Variants in VCF1 observed in about 807,000 individuals in gnomAD.
The protein encoded by VCF1 is protein VCF1.
At chr17:73,212,898 T>A in the VCF1 span, among the ~76,000 whole-genome samples, 2 of 152,194 alleles carry the variant, frequency 1.3e-5, no homozygotes, top group African/African-American at 4.8e-5. Context: ...TACATAATTT[T>A]TTTTTATTTT....
the VCF1 span, chr17:73,212,761 T>A: frequency 6.4e-7 from 1 of 1,552,482 alleles, no homozygotes; most frequent in Non-Finnish European, 8.8e-7. Context: ...AGGCAAGAAC[T>A]ACAATCAGTT....
the VCF1 span, among the ~76,000 whole-genome samples, chr17:73,213,096 T>C: frequency 1.3e-5 from 2 of 151,938 alleles, no homozygotes; most frequent in African/African-American, 2.4e-5. Context: ...ATACAAAAAT[T>C]AGCTGGGCGT....
the VCF1 span, among the ~76,000 whole-genome samples, chr17:73,221,862 C>T: frequency 5.3e-5 from 8 of 151,918 alleles, no homozygotes; most frequent in African/African-American, 1.7e-4. Context: ...GGTGAAACCC[C>T]GTCTCTACTA....
the VCF1 span, chr17:73,208,348 C>T: frequency 3.7e-6 from 6 of 1,614,082 alleles, no homozygotes; most frequent in African/African-American, 1.3e-5. Flanking sequence ...GCTGGTGACC[C>T]GACAGTTCCT....
At chr17:73,230,960 G>T in the VCF1 span, among the ~76,000 whole-genome samples, 1 of 152,128 alleles carries the variant, frequency 6.6e-6, no homozygotes, top group Non-Finnish European at 1.5e-5. Flanking sequence ...AGTATAAACT[G>T]GGTTTGGGAA....
At chr17:73,214,074 A>G in the VCF1 span, among the ~76,000 whole-genome samples, 6 of 152,234 alleles carry the variant, frequency 3.9e-5, no homozygotes, top group African/African-American at 1.4e-4. Flanking sequence ...TATGATTTTG[A>G]GAAGATTGTT....
the VCF1 span, chr17:73,207,456 C>T: frequency 1.4e-6 from 1 of 695,084 alleles, no homozygotes; most frequent in Non-Finnish European, 2.6e-6. Context: ...TGCCCGCTGA[C>T]ACTACCAAGT....
chr17:73,232,067 G>A, the VCF1 span: 1 of 1,583,734 alleles, frequency 6.3e-7, no homozygotes, highest in Non-Finnish European at 8.6e-7. Flanking sequence ...GAATGGAAAG[G>A]GGGTCCCTTC....
At chr17:73,232,046 C>G in the VCF1 span, 1 of 1,542,800 alleles carries the variant, frequency 6.5e-7, no homozygotes, top group Non-Finnish European at 8.7e-7. Context: ...TCTCCCAGAT[C>G]CTCAGGCGAC....
the VCF1 span, among the ~76,000 whole-genome samples, chr17:73,210,903 C>T: frequency 9.9e-4 from 150 of 152,178 alleles, no homozygotes; most frequent in African/African-American, 3.4e-3. Context: ...CCACCATGCC[C>T]AGCCTTATTT....
the VCF1 span, chr17:73,208,683 TTC>T: frequency 1.8e-6 from 1 of 571,118 alleles, no homozygotes; most frequent in Non-Finnish European, 3.2e-6. Context: ...TTTATCAGCG[TTC>T]AACAACACCT....
At chr17:73,210,649 T>G in the VCF1 span, among the ~76,000 whole-genome samples, 3 of 152,066 alleles carry the variant, frequency 2.0e-5, no homozygotes, top group African/African-American at 7.2e-5. Flanking sequence ...CAGGCTCGAG[T>G]GCAGTGGATC....
At chr17:73,208,728 T>G in the VCF1 span, 187 of 471,816 alleles carry the variant, frequency 4.0e-4, no homozygotes, top group Non-Finnish European at 6.9e-4. Flanking sequence ...GAATTGTCAA[T>G]GAGATCATGT....
At chr17:73,223,284 T>A in the VCF1 span, among the ~76,000 whole-genome samples, 1 of 152,106 alleles carries the variant, frequency 6.6e-6, no homozygotes, top group Non-Finnish European at 1.5e-5. Flanking sequence ...GCCATTGCAC[T>A]CCAGTCTGGG....
the VCF1 span, among the ~76,000 whole-genome samples, chr17:73,215,580 G>T: frequency 6.6e-6 from 1 of 152,128 alleles, no homozygotes; most frequent in Non-Finnish European, 1.5e-5. Flanking sequence ...GGCCACTAGG[G>T]GCTTTTTAAA....
chr17:73,231,850 A>G, the VCF1 span, among the ~76,000 whole-genome samples: 263 of 150,704 alleles, frequency 1.7e-3, 3 homozygotes, highest in African/African-American at 6.0e-3. Flanking sequence ...GACAGGGGGG[A>G]AAAAAGATGG....
chr17:73,224,020 A>C, the VCF1 span, among the ~76,000 whole-genome samples: 1 of 141,810 alleles, frequency 7.1e-6, no homozygotes, highest in East Asian at 2.4e-4. Flanking sequence ...GAGGGAGGGA[A>C]GAAGGGAGGG....
the VCF1 span, among the ~76,000 whole-genome samples, chr17:73,231,001 T>G: frequency 7.2e-5 from 11 of 152,344 alleles, no homozygotes; most frequent in Non-Finnish European, 1.0e-4. Flanking sequence ...TCAGATTCAC[T>G]GTATCTAAAG....
chr17:73,207,732 C>T, the VCF1 span: 1 of 1,291,746 alleles, frequency 7.7e-7, no homozygotes, highest in Non-Finnish European at 1.0e-6. Flanking sequence ...CTGCAGGAAT[C>T]CTCCTGGGTA....
Sources: gnomAD v4.1 joint callset for allele counts (sites outside exome capture counted in the v4.1 genomes callset) on GRCh38, gnomAD v4.1.1 for gene constraint, MANE v1.5 for transcripts, NCBI Gene and HGNC (gene_info 2026-07-23, HGNC 2026-07-21) for gene names.